Variants in PINK1 observed in about 807,000 individuals in gnomAD.
PINK1 encodes PTEN induced kinase 1.
PINK1 carries 58 observed loss-of-function variants against 56.0 expected under a neutral mutation model. The observed-to-expected ratio is 1.04, with a 90% CI of 0.84 to 1.29. PINK1 has a LOEUF of 1.29. PINK1 is among the 50% of genes most tolerant of loss of function. PINK1 has a pLI of 0.00. For missense variants in PINK1, 745 were observed against 777.9 expected (o/e 0.96, Z 0.50); for synonymous variants, 354 against 339.3 (o/e 1.04, Z -0.48).
rs936186701 is a variant in PINK1 at position 20,645,683 on chromosome 1, A to T, written c.1083A>T (p.Arg361Ser). ...TGGTTCAACAGGGCATCGCGCACAG[A>T]GACCTGAAATCCGACAACATCCTTG... The part of the protein sequence containing the change: ...DHLVQQGIAH[R>S]DLKSDNILVE... The change falls in exon 5 of 8, where the codon AGA becomes AGT. Residue 361 changes from arginine (R) to serine (S), a missense_variant. Coordinates refer to ENST00000321556, the MANE Select transcript of PINK1 (RefSeq NM_032409.3). 3.1e-6 allele frequency: 5 copies of T among 1,613,960 alleles called. No individual in the cohort carries two copies. In the African/African-American group the frequency reaches 6.7e-5, roughly 22 times the overall value.
chr1:20,635,820 G>C (rs373541517), intron 1 of PINK1, among the ~76,000 whole-genome samples: 31 of 152,008 alleles, frequency 2.0e-4, no homozygotes, highest in African/African-American at 7.0e-4. Context: ...CTGCACTCCA[G>C]CCTAGAGGAC....
intron 1 of PINK1, among the ~76,000 whole-genome samples, chr1:20,634,185 G>T (rs2053030597): frequency 6.6e-6 from 1 of 152,178 alleles, no homozygotes; most frequent in Non-Finnish European, 1.5e-5. Flanking sequence ...AGCTCCTGTC[G>T]CAGCACAGCA....
chr1:20,650,213 A>C (rs2053248374), intron 7 of PINK1: 1 of 618,852 alleles, frequency 1.6e-6, no homozygotes, highest in Non-Finnish European at 2.9e-6. Flanking sequence ...CTATTTCAAC[A>C]ATGCATGCTG....
chr1:20,644,149 C>T (rs1262734241), intron 3 of PINK1, among the ~76,000 whole-genome samples: 4 of 152,082 alleles, frequency 2.6e-5, no homozygotes, highest in African/African-American at 9.7e-5. Context: ...TGCAACTCAG[C>T]CAAGGACTTA....
chr1:20,644,261 G>C (rs1167227256), intron 3 of PINK1, among the ~76,000 whole-genome samples: 2 of 152,184 alleles, frequency 1.3e-5, no homozygotes, highest in Admixed American at 1.3e-4. Flanking sequence ...TGTACGGATG[G>C]ACGGACGGAC....
rs759620550 is a variant in PINK1 at position 20,645,621 on chromosome 1, A to C, written c.1021A>C (p.Met341Leu). The change falls in exon 5 of 8, where the codon ATG becomes CTG. Residue 341 changes from methionine to leucine, a missense_variant. Physicochemically the swap from Met to Leu is conservative, Grantham distance 15. Transcript: ENST00000321556. ...CACACCCAGCCCCCGCCTCGCCGCC[A>C]TGATGCTGCTGCAGCTGCTGGAAGG... Reference protein sequence around the residue: ...VNTPSPRLAAMMLLQLLEGVD... With the variant: ...VNTPSPRLAALMLLQLLEGVD... 1.2e-6 allele frequency: 2 copies of C among 1,613,798 alleles called. No individual in the cohort carries two copies. Among genetic ancestry groups the C allele is most frequent in the Non-Finnish European group, 1.7e-6 (2 of 1,180,004 alleles).
rs76753586 is a variant in PINK1, at chr1:20,645,675, G to A, written c.1075G>A (p.Ala359Thr). The A allele has an allele frequency of 1.3e-4, 202 of 1,614,024 alleles. No homozygotes were observed. In the African/African-American group the frequency reaches 2.2e-3, roughly 18 times the overall value. Reference protein sequence around the residue: ...GVDHLVQQGIAHRDLKSDNIL... With the variant: ...GVDHLVQQGITHRDLKSDNIL... Reference sequence around the variant, plus strand: ...GGACCATCTGGTTCAACAGGGCATCGCGCACAGAGACCTGAAATCCGACAA... The same window carrying A: ...GGACCATCTGGTTCAACAGGGCATCACGCACAGAGACCTGAAATCCGACAA... Residue 359 changes from alanine to threonine, a missense_variant, in exon 5 of 8, where the codon GCG becomes ACG. Transcript: ENST00000321556.
At chr1:20,647,647 TTTTAGTAGAGA>T (rs2053201670) in intron 5 of PINK1, among the ~76,000 whole-genome samples, 1 of 151,422 alleles carries the variant, frequency 6.6e-6, no homozygotes, top group Admixed American at 6.6e-5. Context: ...ATTTTTGTAT[TTTTAGTAGAGA>T]CGGGGTTTCA....
In PINK1 at chr1:20,638,051, T is replaced by C; in HGVS notation, c.597T>C (p.Ser199=). The C allele has an allele frequency of 1.2e-6, 2 of 1,614,112 alleles. No homozygotes were observed. Among genetic ancestry groups the C allele is most frequent in the Non-Finnish European group, 1.7e-6 (2 of 1,180,020 alleles). Residue 199 remains serine, a synonymous_variant, in exon 2 of 8, where the codon AGT becomes AGC. Coordinates refer to ENST00000321556, the MANE Select transcript of PINK1 (RefSeq NM_032409.3). ...TTCCAGGGAGAGGCCCAGGTACCAG[T>C]GCACCAGGAGAAGGGCAGGAGCGAG... The part of the protein sequence containing the change: ...GLLPGRGPGT[S]APGEGQERAP...
chr1:20,650,999 G>C lies in PINK1; in HGVS notation c.*308G>C. The C allele has an allele frequency of 4.5e-6, 2 of 443,834 alleles. No individual in the cohort carries two copies. The highest frequency in any genetic ancestry group is 8.4e-6 in the Non-Finnish European group (2 of 238,182). 27.5% of individuals were successfully genotyped at this position (443,834 alleles called of 1,614,324 possible). On this transcript the variant is annotated 3_prime_UTR_variant, in exon 8 of 8. Transcript: ENST00000321556. Reference sequence around the variant, plus strand: ...GCACTGGCTGTCAGTGGCAGAGTTTGGCTGTGACCTTTGCCCCTAACACGA... The same window carrying C: ...GCACTGGCTGTCAGTGGCAGAGTTTCGCTGTGACCTTTGCCCCTAACACGA...
chr1:20,639,892 G>A lies in PINK1; in HGVS notation c.676G>A (p.Ala226Thr). The A allele has an allele frequency of 6.2e-7, 1 of 1,611,460 alleles. No homozygotes were observed. Among genetic ancestry groups the A allele is most frequent in the Non-Finnish European group, 8.5e-7 (1 of 1,179,084 alleles). Residue 226 changes from alanine (A) to threonine (T), a missense_variant and splice_region_variant, in exon 3 of 8, where the codon GCA becomes ACA. Physicochemically the swap from Ala to Thr is moderately conservative, Grantham distance 58. Transcript: ENST00000321556. Reference sequence around the variant, plus strand: ...CCTGGGTTCCTTGTGGGTGTTCCAGGCAGGTTCCTCCAGCGAAGCCATCTT... The same window carrying A: ...CCTGGGTTCCTTGTGGGTGTTCCAGACAGGTTCCTCCAGCGAAGCCATCTT... ...LAIKMMWNIS[A>T]GSSSEAILNT...
Position 20,645,162 on chromosome 1 carries a change from G to A in PINK1, c.960-398G>A, listed in dbSNP as rs1009112131. ...TGGGAATCAAAGTGCTCCTGGAAGG[G>A]GAAGAGGAACGGCCTAACCCTAACA... On this transcript the variant is annotated intron_variant, in intron 4 of 7. Coordinates refer to ENST00000321556, the MANE Select transcript of PINK1 (RefSeq NM_032409.3). Among the ~76,000 whole-genome samples the A allele has an allele frequency of 8.5e-5, 13 of 152,274 alleles. No individual in the cohort carries two copies. The East Asian group carries it at 2.3e-3, about 27-fold the overall frequency.
At chr1:20,636,448 T>C (rs930774941) in intron 1 of PINK1, among the ~76,000 whole-genome samples, 1 of 151,864 alleles carries the variant, frequency 6.6e-6, no homozygotes, top group African/African-American at 2.4e-5. Context: ...TTCACGCAAT[T>C]CTTCTGCCTC....
At chr1:20,640,245 C>A (rs962653787) in intron 3 of PINK1, among the ~76,000 whole-genome samples, 29 of 152,172 alleles carry the variant, frequency 1.9e-4, no homozygotes, top group African/African-American at 6.3e-4. Flanking sequence ...ATGCCCAGTT[C>A]ACAGTGTTGC....
chr1:20,642,699 C>T (rs916667890), intron 3 of PINK1: 2 of 152,250 alleles, frequency 1.3e-5, no homozygotes, highest in African/African-American at 2.4e-5. Flanking sequence ...CAGGGTCTTA[C>T]TCTGTTGCCC....
In PINK1 at chr1:20,633,744, C is replaced by T. The variant is rs553247784; in HGVS notation, c.196C>T (p.Arg66Cys). 11 of 1,541,588 alleles carry T rather than the reference C, an allele frequency of 7.1e-6. No individual in the cohort carries two copies. The Admixed American group carries it at 1.2e-4, about 16-fold the overall frequency. The change falls in exon 1 of 8, where the codon CGT becomes TGT. Residue 66 changes from arginine (R) to cysteine (C), a missense_variant. Arg to Cys is a radical substitution (Grantham distance 180). Transcript: ENST00000321556. ...PRRVGLGLPN[R>C]LRFFRQSVAG... ...CAGGGTCGGGCTCGGGCTCCCTAAC[C>T]GTCTCCGCTTCTTCCGCCAGTCGGT...
chr1:20,642,102 G>A lies in PINK1; in HGVS notation c.776+2110G>A, dbSNP rs371707958. Among the ~76,000 whole-genome samples the A allele has an allele frequency of 6.8e-4, 104 of 152,320 alleles. 1 individual carries two copies. The South Asian group carries it at 0.02, about 29-fold the overall frequency. ...GAGCAGGAGCAGCGCGTGGGCACACGTGGACTGCAGCCACACAGCCTGGGG... is the reference window on the plus strand; with the variant it reads ...GAGCAGGAGCAGCGCGTGGGCACACATGGACTGCAGCCACACAGCCTGGGG... On this transcript the variant is annotated intron_variant, in intron 3 of 7. Transcript: ENST00000321556.
In PINK1 at chr1:20,650,735, C is replaced by T. The variant is rs2053260393; in HGVS notation, c.*44C>T. The T allele has an allele frequency of 2.5e-6, 4 of 1,598,610 alleles. No individual in the cohort carries two copies. Among genetic ancestry groups the T allele is most frequent in the Non-Finnish European group, 2.6e-6 (3 of 1,176,036 alleles). On this transcript the variant is annotated 3_prime_UTR_variant, in exon 8 of 8. Transcript: ENST00000321556. ...GTGAATTACTAAAAGAACATGGCATCCTCTGTGTCGTGATGGTCTGTGAAT... is the reference window on the plus strand; with the variant it reads ...GTGAATTACTAAAAGAACATGGCATTCTCTGTGTCGTGATGGTCTGTGAAT...
intron 1 of PINK1, among the ~76,000 whole-genome samples, chr1:20,635,295 G>GTT (rs1264860239): frequency 1.3e-5 from 2 of 152,084 alleles, no homozygotes; most frequent in East Asian, 3.9e-4. Context: ...GAGGTCAGGA[G>GTT]TTTGAGACCA....
Sources: gnomAD v4.1 joint callset for allele counts (sites outside exome capture counted in the v4.1 genomes callset) on GRCh38, gnomAD v4.1.1 for gene constraint, MANE v1.5 for transcripts, NCBI Gene and HGNC (gene_info 2026-07-23, HGNC 2026-07-21) for gene names.